Variants in ROBO1 observed in about 807,000 individuals in gnomAD.
ROBO1 encodes roundabout homolog 1.
In ROBO1, 149 loss-of-function variants were observed where a neutral mutation model predicts 195.9. The ratio of observed to expected loss-of-function variants is 0.76; its 90% CI spans 0.67 to 0.87. The LOEUF (loss-of-function observed/expected upper bound fraction) is 0.87, where lower values mean the gene tolerates loss of function less well. Ranked by LOEUF, ROBO1 falls within the 40% of genes least tolerant of loss-of-function variation. The pLI, the probability that ROBO1 is intolerant of heterozygous loss-of-function variation, is 0.00. For missense variants in ROBO1, 1,933 were observed against 2,068.3 expected, an observed-to-expected ratio of 0.93 and a Z score of 1.27; for synonymous variants, 816 against 733.2, an observed-to-expected ratio of 1.11 and a Z score of -1.82.
intron 2 of ROBO1, among the ~76,000 whole-genome samples, chr3:79,540,218 G>A (rs62257658): frequency 0.081 from 12,348 of 152,016 alleles, 662 homozygotes; most frequent in East Asian, 0.17. Context: ...ATGGAACCAA[G>A]AGTTCAACAG....
chr3:79,295,459 C>G (rs2032535632), intron 2 of ROBO1, among the ~76,000 whole-genome samples: 1 of 151,856 alleles, frequency 6.6e-6, no homozygotes, highest in African/African-American at 2.4e-5. Flanking sequence ...GGGGTGGGAG[C>G]TAGGGGAGGA....
intron 2 of ROBO1, among the ~76,000 whole-genome samples, chr3:79,502,110 C>T (rs1361044583): frequency 2.6e-5 from 4 of 152,180 alleles, no homozygotes; most frequent in African/African-American, 4.8e-5. Flanking sequence ...CCTCGCAGCC[C>T]TCACTCGTTA....
chr3:79,285,169 AT>A (rs2031810135), intron 2 of ROBO1, among the ~76,000 whole-genome samples: 2 of 152,314 alleles, frequency 1.3e-5, no homozygotes, highest in Non-Finnish European at 2.9e-5. Context: ...GAGTTTATAT[AT>A]GGCTAACCGA....
chr3:79,358,187 TTATC>T (rs2109294725), intron 2 of ROBO1, among the ~76,000 whole-genome samples: 1 of 152,208 alleles, frequency 6.6e-6, no homozygotes, highest in South Asian at 2.1e-4. Flanking sequence ...AAAATACTAT[TTATC>T]TATAGGGATG....
At chr3:79,188,779 C>T (rs1051031553) in intron 2 of ROBO1, among the ~76,000 whole-genome samples, 4 of 151,698 alleles carry the variant, frequency 2.6e-5, no homozygotes, top group East Asian at 1.9e-4. Context: ...AAACCAGCAG[C>T]GTCCATAGTG....
At chr3:79,289,881 A>G (rs1332871452) in intron 2 of ROBO1, among the ~76,000 whole-genome samples, 2 of 151,944 alleles carry the variant, frequency 1.3e-5, no homozygotes, top group African/African-American at 2.4e-5. Flanking sequence ...CTGAGATATT[A>G]TTTTCTACCT....
chr3:78,728,058 G>C (rs1292769142), intron 5 of ROBO1, among the ~76,000 whole-genome samples: 1 of 151,814 alleles, frequency 6.6e-6, no homozygotes, highest in African/African-American at 2.4e-5. Context: ...GTTCTTCTTG[G>C]TTAGCAAAGT....
At chr3:79,265,578 G>GA (rs2083024852) in intron 2 of ROBO1, among the ~76,000 whole-genome samples, 1 of 151,402 alleles carries the variant, frequency 6.6e-6, no homozygotes, top group Admixed American at 6.6e-5. Flanking sequence ...AATAATGAGG[G>GA]ATTATAAATG....
Position 79,292,910 on chromosome 3 carries a change from T to C in ROBO1, c.89-167371A>G, listed in dbSNP as rs565226563. On this transcript the variant is annotated intron_variant, in intron 2 of 30. Coordinates refer to ENST00000464233, the MANE Select transcript of ROBO1 (RefSeq NM_002941.4). ...CCTCATAAAATAAGTTAGGGGGGAGTCCCTCTTTTTCTATTATTTGGAATA... is the reference window on the plus strand; with the variant it reads ...CCTCATAAAATAAGTTAGGGGGGAGCCCCTCTTTTTCTATTATTTGGAATA... 1.6e-4 allele frequency among the ~76,000 whole-genome samples: 24 copies of C among 152,104 alleles called. No homozygotes were observed. The South Asian group carries it at 4.8e-3, about 30-fold the overall frequency.
intron 2 of ROBO1, among the ~76,000 whole-genome samples, chr3:79,296,438 A>C (rs956209657): frequency 1.3e-5 from 2 of 151,950 alleles, no homozygotes; most frequent in Non-Finnish European, 2.9e-5. Flanking sequence ...TAGAAAGACA[A>C]CTTCAAGATG....
At chr3:78,626,009 G>A (rs1304973081) in intron 26 of ROBO1, among the ~76,000 whole-genome samples, 6 of 151,942 alleles carry the variant, frequency 3.9e-5, no homozygotes, top group Non-Finnish European at 7.4e-5. Context: ...AAGGAAAACC[G>A]ATTTCTGTTA....
At chr3:79,623,322 G>A (rs933901825) in intron 1 of ROBO1, among the ~76,000 whole-genome samples, 1 of 152,178 alleles carries the variant, frequency 6.6e-6, no homozygotes, top group Admixed American at 6.5e-5. Context: ...CTCATTCACG[G>A]ACACAGAACT....
intron 1 of ROBO1, among the ~76,000 whole-genome samples, chr3:79,636,495 G>T (rs1945500360): frequency 6.6e-6 from 1 of 152,052 alleles, no homozygotes; most frequent in African/African-American, 2.4e-5. Flanking sequence ...GCAATCCCTA[G>T]AGGCTGTCAC....
At chr3:79,649,429 A>G (rs1409426097) in intron 1 of ROBO1, among the ~76,000 whole-genome samples, 2 of 152,062 alleles carry the variant, frequency 1.3e-5, no homozygotes, top group Non-Finnish European at 2.9e-5. Context: ...CCATTTATAG[A>G]CTACATTTTC....
intron 8 of ROBO1, among the ~76,000 whole-genome samples, chr3:78,697,753 T>C (rs997236592): frequency 6.6e-6 from 1 of 152,174 alleles, no homozygotes; most frequent in African/African-American, 2.4e-5. Context: ...TGTATGGACA[T>C]TCAGAAGCAT....
intron 3 of ROBO1, among the ~76,000 whole-genome samples, chr3:78,954,042 G>A (rs1368269765): frequency 1.3e-5 from 2 of 151,770 alleles, no homozygotes; most frequent in Admixed American, 1.3e-4. Flanking sequence ...TGAAAATAAA[G>A]CTAAATCTTT....
intron 2 of ROBO1, among the ~76,000 whole-genome samples, chr3:79,285,164 T>C (rs1010978339): frequency 3.9e-5 from 6 of 152,170 alleles, no homozygotes; most frequent in African/African-American, 1.2e-4. Flanking sequence ...TTCAAGAGTT[T>C]ATATATGGCT....
intron 4 of ROBO1, among the ~76,000 whole-genome samples, chr3:78,921,729 T>C (rs1399226521): frequency 6.6e-6 from 1 of 151,498 alleles, no homozygotes; most frequent in Non-Finnish European, 1.5e-5. Context: ...GTTAAAGTTT[T>C]CAAAATATTA....
chr3:79,386,996 T>C (rs1461793742), intron 2 of ROBO1, among the ~76,000 whole-genome samples: 2 of 152,154 alleles, frequency 1.3e-5, no homozygotes, highest in African/African-American at 2.4e-5. Context: ...ACTTGTCATA[T>C]AGGAGAAGGC....
Sources: allele counts gnomAD v4.1 joint callset (sites outside exome capture counted in the v4.1 genomes callset), GRCh38; gene constraint gnomAD v4.1.1; transcripts MANE v1.5; gene names NCBI Gene and HGNC (gene_info 2026-07-23, HGNC 2026-07-21).